EXOC6B: variants seen among roughly 807,000 people sequenced by gnomAD.
EXOC6B encodes SEC15 homolog B.
In EXOC6B, 54 loss-of-function variants were observed where a neutral mutation model predicts 113.5. The observed-to-expected ratio is 0.48, with a 90% confidence interval of 0.38 to 0.60. The LOEUF (loss-of-function observed/expected upper bound fraction) is 0.60, where lower values mean the gene tolerates loss of function less well. EXOC6B is among the 20% of genes least tolerant of loss of function. The probability of loss-of-function intolerance (pLI) is 0.00; values close to 1 mark genes in which losing one functional copy is unlikely to be tolerated. For synonymous variants in EXOC6B, 357 were observed against 339.0 expected (o/e 1.05, Z -0.58); for missense variants, 797 against 977.5 (o/e 0.82, Z 2.46).
intron 18 of EXOC6B, among the ~76,000 whole-genome samples, chr2:72,434,005 G>A (rs955078139): frequency 3.9e-5 from 6 of 152,098 alleles, no homozygotes; most frequent in African/African-American, 7.2e-5. Context: ...AATGCTTCCC[G>A]CTTTTGCCCG....
At chr2:72,458,462 T>A (rs1209631936) in intron 18 of EXOC6B, among the ~76,000 whole-genome samples, 1 of 152,118 alleles carries the variant, frequency 6.6e-6, no homozygotes, top group Non-Finnish European at 1.5e-5. Context: ...ATCCAATTAC[T>A]TTTAAAAGTG....
chr2:72,631,426 G>GTATATA (rs376088377), intron 6 of EXOC6B, among the ~76,000 whole-genome samples: 178 of 28,074 alleles, frequency 6.3e-3, no homozygotes, highest in Middle Eastern at 0.023. Context: ...GTGTGTGTGT[G>GTATATA]TATATATATA....
chr2:72,643,043 C>A (rs1434752973), intron 6 of EXOC6B, among the ~76,000 whole-genome samples: 1 of 152,020 alleles, frequency 6.6e-6, no homozygotes, highest in Non-Finnish European at 1.5e-5. Context: ...CAGAGAAATG[C>A]AAATCAAAAC....
At chr2:72,349,600 T>C (rs992628169) in intron 19 of EXOC6B, among the ~76,000 whole-genome samples, 1 of 152,140 alleles carries the variant, frequency 6.6e-6, no homozygotes, top group African/African-American at 2.4e-5. Context: ...GTGAAAACAT[T>C]GATAAGCTGA....
At chr2:72,265,237 CTTTT>C (rs1683989037) in intron 20 of EXOC6B, among the ~76,000 whole-genome samples, 1 of 124,348 alleles carries the variant, frequency 8.0e-6, no homozygotes, top group Non-Finnish European at 1.7e-5. Context: ...CTTAACTATT[CTTTT>C]ATTATTATTA....
chr2:72,732,328 T>C (rs1680696010), intron 3 of EXOC6B, among the ~76,000 whole-genome samples: 1 of 152,030 alleles, frequency 6.6e-6, no homozygotes, highest in Non-Finnish European at 1.5e-5. Flanking sequence ...TTGTTTTTTT[T>C]GTTTTGGGGG....
chr2:72,319,420 A>C (rs746180474), intron 20 of EXOC6B, among the ~76,000 whole-genome samples: 6 of 152,132 alleles, frequency 3.9e-5, no homozygotes, highest in Non-Finnish European at 8.8e-5. Context: ...AAAAAACAAA[A>C]GGTATCTAGA....
At chr2:72,448,193 T>G (rs1398915225) in intron 18 of EXOC6B, among the ~76,000 whole-genome samples, 1 of 152,178 alleles carries the variant, frequency 6.6e-6, no homozygotes, top group Non-Finnish European at 1.5e-5. Flanking sequence ...ATTCCCCTGT[T>G]TCTTTACATA....
intron 16 of EXOC6B, among the ~76,000 whole-genome samples, chr2:72,487,595 G>A (rs1217051856): frequency 2.0e-5 from 3 of 152,094 alleles, no homozygotes; most frequent in Admixed American, 6.5e-5. Context: ...TCCTGAGCTC[G>A]TGATTCACCC....
intron 6 of EXOC6B, among the ~76,000 whole-genome samples, chr2:72,691,766 C>T (rs1413259015): frequency 3.3e-5 from 5 of 151,032 alleles, no homozygotes; most frequent in Non-Finnish European, 5.9e-5. Flanking sequence ...ACTGCAACCT[C>T]GGCCTCCTCA....
At chr2:72,516,639 G>A (rs1281538092) in intron 8 of EXOC6B, among the ~76,000 whole-genome samples, 4 of 152,138 alleles carry the variant, frequency 2.6e-5, no homozygotes, top group Admixed American at 2.6e-4. Context: ...TGGAACCAGA[G>A]ACTATTATTA....
At chr2:72,697,985 A>G (rs1325677754) in intron 6 of EXOC6B, among the ~76,000 whole-genome samples, 1 of 152,166 alleles carries the variant, frequency 6.6e-6, no homozygotes, top group African/African-American at 2.4e-5. Flanking sequence ...GCATATTTCT[A>G]TATTAGATCA....
chr2:72,194,276 C>G (rs1679023319), intron 20 of EXOC6B, among the ~76,000 whole-genome samples: 1 of 152,050 alleles, frequency 6.6e-6, no homozygotes, highest in Non-Finnish European at 1.5e-5. Flanking sequence ...GTGAGACCCC[C>G]AAGGTGCCAA....
chr2:72,744,361 G>A (rs988704068), intron 1 of EXOC6B, among the ~76,000 whole-genome samples: 2 of 152,166 alleles, frequency 1.3e-5, no homozygotes, highest in African/African-American at 4.8e-5. Flanking sequence ...GAAATAAAGG[G>A]AGATTGTCAA....
chr2:72,704,316 G>A (rs1678673199), intron 6 of EXOC6B, among the ~76,000 whole-genome samples: 1 of 151,142 alleles, frequency 6.6e-6, no homozygotes, highest in Non-Finnish European at 1.5e-5. Flanking sequence ...TCTCTGGGAT[G>A]CATTCAAAGC....
chr2:72,369,196 T>C (rs1461993731), intron 19 of EXOC6B, among the ~76,000 whole-genome samples: 1 of 152,064 alleles, frequency 6.6e-6, no homozygotes, highest in Non-Finnish European at 1.5e-5. Context: ...TGTGCAAAAA[T>C]CACAAGCATT....
chr2:72,639,724 T>C (rs749518368), intron 6 of EXOC6B, among the ~76,000 whole-genome samples: 1 of 152,132 alleles, frequency 6.6e-6, no homozygotes, highest in Non-Finnish European at 1.5e-5. Flanking sequence ...TCCCCCAGAA[T>C]TAGAGTACAT....
intron 8 of EXOC6B, among the ~76,000 whole-genome samples, chr2:72,528,446 T>C (rs1208113784): frequency 6.6e-6 from 1 of 152,134 alleles, no homozygotes; most frequent in Non-Finnish European, 1.5e-5. Context: ...TATAGCTACA[T>C]AATAAGTCTT....
intron 8 of EXOC6B, among the ~76,000 whole-genome samples, chr2:72,552,728 A>T (rs566467530): frequency 5.9e-5 from 9 of 152,124 alleles, no homozygotes; most frequent in African/African-American, 2.2e-4. Context: ...GGATATTAAT[A>T]TCAAAAAAAA....
Sources: gnomAD v4.1 joint callset for allele counts (sites outside exome capture counted in the v4.1 genomes callset) on GRCh38, gnomAD v4.1.1 for gene constraint, MANE v1.5 for transcripts, NCBI Gene and HGNC (gene_info 2026-07-23, HGNC 2026-07-21) for gene names.